Variants in VGLL3 observed in about 807,000 individuals in gnomAD.
The protein encoded by VGLL3 is transcription cofactor vestigial-like protein 3.
Under a neutral mutation model 29.2 loss-of-function variants are expected in VGLL3, and 18 were observed. The observed-to-expected ratio is 0.62, with a 90% CI of 0.43 to 0.91. VGLL3 has a LOEUF of 0.91. Ranked by LOEUF, VGLL3 falls within the 40% of genes least tolerant of loss-of-function variation. VGLL3 has a pLI of 0.00. For missense variants in VGLL3, 440 were observed against 413.2 expected, an observed-to-expected ratio of 1.06 and a Z score of -0.56; for synonymous variants, 180 against 151.8, an observed-to-expected ratio of 1.19 and a Z score of -1.36.
intron 1 of VGLL3, among the ~76,000 whole-genome samples, chr3:86,988,640 CAAAAAAAAAAAAAAAAAAAAAAAAAAAA>C (rs869098443): frequency 1.5e-3 from 21 of 13,770 alleles, no homozygotes; most frequent in Admixed American, 1.9e-3. Context: ...TTTACTTGAC[CAAAAAAAAAAAAAAAAAAAAAAAAAAAA>C]AAAAAAAAAA....
intron 3 of VGLL3, chr3:86,962,028 C>A (rs1704857211): frequency 3.0e-6 from 3 of 984,744 alleles, no homozygotes; most frequent in Non-Finnish European, 2.4e-6. Flanking sequence ...TAGATCTTTT[C>A]TTTTTTCAAT....
At position 86,943,840 on chromosome 3, in the gene VGLL3, T is replaced by C. The variant is rs1393562245; in HGVS notation, c.*3184A>G. 1 of 152,148 alleles carries C rather than the reference T, an allele frequency of 6.6e-6. No homozygotes were observed. Among genetic ancestry groups the C allele is most frequent in the Non-Finnish European group, 1.5e-5 (1 of 68,028 alleles). 9.4% of individuals were successfully genotyped at this position (152,148 alleles called of 1,614,324 possible). On this transcript the variant is annotated 3_prime_UTR_variant, in exon 4 of 4. Transcript: ENST00000398399. ...TTTATTGGTGGAAGCATAGATTCTA[T>C]TTAAAATAAACGAGACAATTTTCTA...
Position 86,966,787 on chromosome 3 carries a change from A to AG in VGLL3, c.937+1802_937+1803insC, listed in dbSNP as rs1378227309. On this transcript the variant is annotated intron_variant, in intron 3 of 3. Transcript: ENST00000398399. ...AGTGTGTGTGTGTATATATATATATATATATATATATATATATATATATAT... is the reference window on the plus strand; with the variant it reads ...AGTGTGTGTGTGTATATATATATATAGTATATATATATATATATATATATAT... Among the ~76,000 whole-genome samples the AG allele has an allele frequency of 1.1e-3, 98 of 91,530 alleles. 4 individuals carry two copies. The highest frequency in any genetic ancestry group is 4.2e-3 in the African/African-American group (95 of 22,650). The allele number at this position is 91,530 out of a possible 152,430, so 60.0% of individuals were successfully genotyped here.
In VGLL3 at chr3:86,940,356, T is replaced by C. The variant is rs1336311674; in HGVS notation, c.*6668A>G. 1.3e-5 allele frequency: 2 copies of C among 152,636 alleles called. No homozygotes were observed. The highest frequency in any genetic ancestry group is 4.8e-5 in the African/African-American group (2 of 41,462). The allele number at this position is 152,636 out of a possible 1,614,324, so 9.5% of individuals were successfully genotyped here. A position where few individuals can be genotyped will look rare whatever the true frequency, so the allele number is the denominator to read the frequency against. ...TGGTCAACCAATATCCTTAGAAGCA[T>C]TGTATTATAAAATTCTCAAGACTCT... On this transcript the variant is annotated 3_prime_UTR_variant, in exon 4 of 4. Coordinates refer to ENST00000398399, the MANE Select transcript of VGLL3 (RefSeq NM_016206.4).
At chr3:86,953,325 C>G (rs534832696) in intron 3 of VGLL3, among the ~76,000 whole-genome samples, 1 of 152,004 alleles carries the variant, frequency 6.6e-6, no homozygotes, top group East Asian at 1.9e-4. Context: ...ATGTGTAGCT[C>G]GACCCCATCC....
At position 86,990,776 on chromosome 3, in the gene VGLL3, C is replaced by A. The variant is rs1019659414; in HGVS notation, c.-33G>T. ...GGGGCAGTGGCGGCCCCCGAGCTGC[C>A]GCCGCCGCTCTACGCGCTGGCGCGA... On this transcript the variant is annotated 5_prime_UTR_variant, in exon 1 of 4. Coordinates refer to ENST00000398399, the MANE Select transcript of VGLL3 (RefSeq NM_016206.4). The A allele has an allele frequency of 2.4e-6, 3 of 1,255,062 alleles. No homozygotes were observed. The highest frequency in any genetic ancestry group is 3.0e-6 in the Non-Finnish European group (3 of 998,188). The allele number at this position is 1,255,062 out of a possible 1,614,324, so 77.7% of individuals were successfully genotyped here. A position where few individuals can be genotyped will look rare whatever the true frequency, so the allele number is the denominator to read the frequency against.
chr3:86,978,585 G>A lies in VGLL3; in HGVS notation c.344C>T (p.Thr115Ile), dbSNP rs371393134. ...HFSRALGQAI[T>I]LHPESAISKS... The stretch of plus-strand genomic sequence containing the variant: ...TGAAATGGCAGATTCTGGATGGAGG[G>A]TGATGGCTTGGCCCAAAGCTCTTGA... The change falls in exon 2 of 4, where the codon ACC becomes ATC. Residue 115 changes from threonine (T) to isoleucine (I), a missense_variant. Coordinates refer to ENST00000398399, the MANE Select transcript of VGLL3 (RefSeq NM_016206.4). 2.5e-6 allele frequency: 4 copies of A among 1,614,046 alleles called. No homozygotes were observed. The highest frequency in any genetic ancestry group is 3.4e-6 in the Non-Finnish European group (4 of 1,180,022).
chr3:86,968,928 G>T lies in VGLL3; in HGVS notation c.599C>A (p.Pro200His). 1 of 1,614,170 alleles carries T rather than the reference G, an allele frequency of 6.2e-7. No individual in the cohort carries two copies. The highest frequency in any genetic ancestry group is 8.5e-7 in the Non-Finnish European group (1 of 1,180,050). ...HNLHQTGPAP[P>H]PAVSESWPYP... ...AGGCCAGGACTCAGACACAGCAGGG[G>T]GAGGGGCTGGGCCAGTCTGATGCAG... Residue 200 changes from proline to histidine, a missense_variant, in exon 3 of 4, where the codon CCC (proline) becomes CAC (histidine). Transcript: ENST00000398399.
chr3:86,956,743 C>T (rs1358710564), intron 3 of VGLL3, among the ~76,000 whole-genome samples: 1 of 150,186 alleles, frequency 6.7e-6, no homozygotes, highest in African/African-American at 2.5e-5. Flanking sequence ...CGAGATCGCG[C>T]CACTGCACTC....
chr3:86,965,029 C>T (rs894594713), intron 3 of VGLL3, among the ~76,000 whole-genome samples: 7 of 151,922 alleles, frequency 4.6e-5, no homozygotes, highest in Non-Finnish European at 1.0e-4. Flanking sequence ...TAGTGGCATG[C>T]ACCTGTAGTC....
intron 1 of VGLL3, among the ~76,000 whole-genome samples, chr3:86,986,992 G>A (rs967492997): frequency 1.3e-5 from 2 of 151,912 alleles, no homozygotes; most frequent in African/African-American, 2.4e-5. Flanking sequence ...ATTGATTGGG[G>A]ACCTAAAGAC....
intron 1 of VGLL3, among the ~76,000 whole-genome samples, chr3:86,989,977 A>G (rs891340149): frequency 6.6e-6 from 1 of 152,158 alleles, no homozygotes; most frequent in Non-Finnish European, 1.5e-5. Context: ...TGGCCGAGGG[A>G]CCCACTGTCA....
At chr3:86,967,241 C>A (rs1704983862) in intron 3 of VGLL3, among the ~76,000 whole-genome samples, 1 of 152,074 alleles carries the variant, frequency 6.6e-6, no homozygotes, top group Non-Finnish European at 1.5e-5. Flanking sequence ...AAGGCAGCTG[C>A]CAAATTGGGA....
rs753191201 is a variant in VGLL3 at position 86,946,988 on chromosome 3, T to C, written c.*36A>G. 2.6e-6 allele frequency: 2 copies of C among 778,088 alleles called. No homozygotes were observed. Among genetic ancestry groups the C allele is most frequent in the Admixed American group, 1.7e-5 (1 of 58,688 alleles). The allele number at this position is 778,088 out of a possible 1,614,324, so 48.2% of individuals were successfully genotyped here. On this transcript the variant is annotated 3_prime_UTR_variant, in exon 4 of 4. Coordinates refer to ENST00000398399, the MANE Select transcript of VGLL3 (RefSeq NM_016206.4). ...TATCTTTTCCCAGTGGGCCCTTGGA[T>C]TTATGCTGCAACTTAACTCACTAAG... is the stretch of plus-strand genomic sequence containing the variant.
At chr3:86,974,122 T>A (rs978588959) in intron 2 of VGLL3, among the ~76,000 whole-genome samples, 3 of 139,164 alleles carry the variant, frequency 2.2e-5, no homozygotes. Context: ...AGGTTTGTTA[T>A]TTTTTTTTTT....
rs192202578 is a variant in VGLL3, at chr3:86,984,653, C to A, written c.127-5851G>T. ...TATTACTAGACTTAGGGTATAATTT[C>A]ATTTTTAAGGTAATTTATCCATTAT... is the stretch of plus-strand genomic sequence containing the variant. On this transcript the variant is annotated intron_variant, in intron 1 of 3. Transcript: ENST00000398399. Among the ~76,000 whole-genome samples the A allele has an allele frequency of 2.1e-4, 32 of 152,158 alleles. No homozygotes were observed. In the East Asian group the frequency reaches 5.8e-3, roughly 28 times the overall value.
Position 86,938,712 on chromosome 3 carries a change from C to A in VGLL3, c.*8312G>T, listed in dbSNP as rs187090824. 2.6e-5 allele frequency: 4 copies of A among 152,732 alleles called. No homozygotes were observed. Among genetic ancestry groups the A allele is most frequent in the Admixed American group, 6.5e-5 (1 of 15,304 alleles). The allele number at this position is 152,732 out of a possible 1,614,324, so 9.5% of individuals were successfully genotyped here. A position where few individuals can be genotyped will look rare whatever the true frequency, so the allele number is the denominator to read the frequency against. On this transcript the variant is annotated 3_prime_UTR_variant, in exon 4 of 4. Transcript: ENST00000398399. The stretch of plus-strand genomic sequence containing the variant: ...TGGATACCTTCTTTACACATTAAAT[C>A]TATCAAAACATGTTTGCTTTTCCAT...
chr3:86,985,894 C>A (rs1419721232), intron 1 of VGLL3, among the ~76,000 whole-genome samples: 2 of 152,134 alleles, frequency 1.3e-5, no homozygotes, highest in East Asian at 3.9e-4. Context: ...CCAAGCTAAG[C>A]ACCCAGGTCT....
At chr3:86,976,825 T>C (rs1229440299) in intron 2 of VGLL3, among the ~76,000 whole-genome samples, 2 of 152,242 alleles carry the variant, frequency 1.3e-5, no homozygotes, top group African/African-American at 4.8e-5. Flanking sequence ...GCCCATGTGC[T>C]AAAAGAAGTA....
Sources: allele counts gnomAD v4.1 joint callset (sites outside exome capture counted in the v4.1 genomes callset), GRCh38; gene constraint gnomAD v4.1.1; transcripts MANE v1.5; gene names NCBI Gene and HGNC (gene_info 2026-07-23, HGNC 2026-07-21).